LRIG1: variants seen among roughly 807,000 people sequenced by gnomAD.
LRIG1 encodes leucine-rich repeats and immunoglobulin-like domains protein 1.
Under a neutral mutation model 99.2 loss-of-function variants are expected in LRIG1, and 48 were observed. That is an observed-to-expected ratio of 0.48 (90% CI 0.38 to 0.62). The LOEUF is 0.62. Ranked by LOEUF, LRIG1 falls within the 20% of genes least tolerant of loss-of-function variation. LRIG1 has a pLI of 0.00. For synonymous variants in LRIG1, 772 were observed against 596.1 expected, an observed-to-expected ratio of 1.29 and a Z score of -4.30; for missense variants, 1,646 against 1,434.4, an observed-to-expected ratio of 1.15 and a Z score of -2.38.
In LRIG1 at chr3:66,451,812, C is replaced by T. The variant is rs572946728; in HGVS notation, c.291-179G>A. Among the ~76,000 whole-genome samples, 28 of 152,220 alleles carry T rather than the reference C, an allele frequency of 1.8e-4. 1 individual carries two copies. In the East Asian group the frequency reaches 4.8e-3, roughly 26 times the overall value. ...TAAAGGGAAAGAAGTCACATGAGAT[C>T]ACAAAAACTAGCCACTGATCACACC... On this transcript the variant is annotated intron_variant, in intron 2 of 18. Transcript: ENST00000273261.
At chr3:66,410,796 A>G (rs1360422865) in intron 6 of LRIG1, among the ~76,000 whole-genome samples, 2 of 152,226 alleles carry the variant, frequency 1.3e-5, no homozygotes, top group Non-Finnish European at 2.9e-5. Flanking sequence ...TATCACCCGC[A>G]TCTCACACAT....
chr3:66,453,851 G>A (rs1703986137), intron 2 of LRIG1, among the ~76,000 whole-genome samples: 1 of 152,182 alleles, frequency 6.6e-6, no homozygotes, highest in African/African-American at 2.4e-5. Flanking sequence ...TCTCTGCAGG[G>A]GGCTACGCCT....
rs55651719 is a variant in LRIG1 at position 66,408,913 on chromosome 3, AGTGTGTGTGTGTGT to A, written c.935+1202_935+1215del. ...GTCACCAAAATATAAACTCCAAGTC[AGTGTGTGTGTGTGT>A]GTGTGTGTGTGTGTGTGTGTGTGTG... On this transcript the variant is annotated intron_variant, in intron 7 of 18. Coordinates refer to ENST00000273261, the MANE Select transcript of LRIG1 (RefSeq NM_015541.3). Among the ~76,000 whole-genome samples, 47 of 34,916 alleles carry A rather than the reference AGTGTGTGTGTGTGT, an allele frequency of 1.3e-3. 1 individual carries two copies. The highest frequency in any genetic ancestry group is 2.8e-3 in the African/African-American group (23 of 8,244). The allele number at this position is 34,916 out of a possible 152,430, so 22.9% of individuals were successfully genotyped here.
chr3:66,405,885 A>G, intron 8 of LRIG1: 1 of 1,066,850 alleles, frequency 9.4e-7, no homozygotes, highest in Non-Finnish European at 1.1e-6. Flanking sequence ...GATGAGGCCA[A>G]CTCAGCCCAG....
Position 66,380,870 on chromosome 3 carries a change from C to G in LRIG1, c.2771-9G>C, listed in dbSNP as rs1701012626. On this transcript the variant is annotated splice_polypyrimidine_tract_variant and intron_variant, in intron 17 of 18. Transcript: ENST00000273261. ...GACCCGGCCACCGTGTTCTGAAGGA[C>G]AGCGCCAAAGATGGGTTAGAGTCAC... The G allele has an allele frequency of 2.5e-6, 4 of 1,612,648 alleles. No individual in the cohort carries two copies. Among genetic ancestry groups the G allele is most frequent in the Non-Finnish European group, 3.4e-6 (4 of 1,178,918 alleles).
intron 13 of LRIG1, 73 bp downstream of exon 13, chr3:66,385,907 TG>T: frequency 7.5e-7 from 1 of 1,339,150 alleles, no homozygotes; most frequent in Non-Finnish European, 1.1e-6. Flanking sequence ...CATCTCTACA[TG>T]GAAAGCTGAA....
chr3:66,457,897 A>C (rs993670620), intron 2 of LRIG1, among the ~76,000 whole-genome samples: 5 of 152,186 alleles, frequency 3.3e-5, no homozygotes, highest in Non-Finnish European at 7.3e-5. Context: ...TCTACCACTC[A>C]CTAATCACGC....
chr3:66,459,677 A>G (rs1700312986), intron 2 of LRIG1, among the ~76,000 whole-genome samples: 1 of 152,152 alleles, frequency 6.6e-6, no homozygotes, highest in Non-Finnish European at 1.5e-5. Context: ...GCTTCCCTCA[A>G]CTTAATGTAA....
chr3:66,415,336 G>A (rs1702589218), intron 4 of LRIG1, among the ~76,000 whole-genome samples: 1 of 152,174 alleles, frequency 6.6e-6, no homozygotes, highest in African/African-American at 2.4e-5. Flanking sequence ...GAGGGTGGGA[G>A]TGAAAGTCAA....
intron 2 of LRIG1, among the ~76,000 whole-genome samples, chr3:66,453,542 C>T (rs1258466998): frequency 6.6e-6 from 1 of 152,212 alleles, no homozygotes; most frequent in Non-Finnish European, 1.5e-5. Context: ...TCAGCAAAAA[C>T]TCGACATGCC....
At chr3:66,426,701 A>G (rs1242177715) in intron 3 of LRIG1, among the ~76,000 whole-genome samples, 3 of 152,226 alleles carry the variant, frequency 2.0e-5, no homozygotes, top group Admixed American at 2.0e-4. Context: ...TACTGGAGCC[A>G]GTGAAGATAG....
At chr3:66,416,109 C>T (rs1418625041) in intron 4 of LRIG1, among the ~76,000 whole-genome samples, 6 of 152,162 alleles carry the variant, frequency 3.9e-5, no homozygotes, top group Admixed American at 1.3e-4. Context: ...AATAGAAAGT[C>T]CCTCCCACTT....
intron 3 of LRIG1, among the ~76,000 whole-genome samples, chr3:66,422,243 T>G (rs983822827): frequency 6.6e-6 from 1 of 152,254 alleles, no homozygotes; most frequent in Non-Finnish European, 1.5e-5. Flanking sequence ...TGCAGCCAGC[T>G]TGAATTTCTC....
intron 17 of LRIG1, 53 bp from the exon 18 acceptor site, chr3:66,380,914 C>T (rs1277363418): frequency 1.3e-6 from 2 of 1,575,894 alleles, no homozygotes; most frequent in African/African-American, 1.3e-5. Context: ...GAGTCTTCGT[C>T]CCCACACAGA....
In LRIG1 at chr3:66,473,509, T is replaced by C. The variant is rs369822238; in HGVS notation, c.219-11000A>G. Among the ~76,000 whole-genome samples the C allele has an allele frequency of 2.6e-5, 4 of 152,336 alleles. No homozygotes were observed. The East Asian group carries it at 5.8e-4, about 22-fold the overall frequency. On this transcript the variant is annotated intron_variant, in intron 1 of 18. Coordinates refer to ENST00000273261, the MANE Select transcript of LRIG1 (RefSeq NM_015541.3). Reference sequence around the variant, plus strand: ...TCTATAAAGCTCATATAAAAATCCATGCTTACTTGCATTTGCCACAATGCT... The same window carrying C: ...TCTATAAAGCTCATATAAAAATCCACGCTTACTTGCATTTGCCACAATGCT...
chr3:66,485,761 C>T (rs1285866305), intron 1 of LRIG1, among the ~76,000 whole-genome samples: 1 of 152,116 alleles, frequency 6.6e-6, no homozygotes, highest in Non-Finnish European at 1.5e-5. Flanking sequence ...CATGTTACCA[C>T]CCCCTTTACC....
chr3:66,477,431 TTTGCTGGTAAAACA>T (rs1193866156), intron 1 of LRIG1, among the ~76,000 whole-genome samples: 1 of 152,152 alleles, frequency 6.6e-6, no homozygotes, highest in East Asian at 1.9e-4. Context: ...ATGATCCTAG[TTTGCTGGTAAAACA>T]TTGCTGTAAT....
At chr3:66,458,175 G>C (rs1700272739) in intron 2 of LRIG1, among the ~76,000 whole-genome samples, 1 of 151,996 alleles carries the variant, frequency 6.6e-6, no homozygotes, top group South Asian at 2.1e-4. Context: ...GGAGTGCATG[G>C]TGCAAACATG....
chr3:66,458,517 C>T (rs1700279771), intron 2 of LRIG1, among the ~76,000 whole-genome samples: 1 of 151,866 alleles, frequency 6.6e-6, no homozygotes, highest in South Asian at 2.1e-4. Flanking sequence ...GCCTGGCCAA[C>T]ACGGCGAAAT....
Sources: gnomAD v4.1 joint callset for allele counts (sites outside exome capture counted in the v4.1 genomes callset) on GRCh38, gnomAD v4.1.1 for gene constraint, MANE v1.5 for transcripts, NCBI Gene and HGNC (gene_info 2026-07-23, HGNC 2026-07-21) for gene names.